CP: variants seen among roughly 807,000 people sequenced by gnomAD.
The protein encoded by CP is ceruloplasmin, also known as caeruloplasmin.
In CP, 64 loss-of-function variants were observed where a neutral mutation model predicts 122.4. The ratio of observed to expected loss-of-function variants is 0.52; its 90% CI spans 0.43 to 0.64. CP has a LOEUF of 0.64. Among genes scored for constraint, CP ranks in the 30% least tolerant of loss-of-function variants. The probability of loss-of-function intolerance (pLI) is 0.00; values close to 1 mark genes in which losing one functional copy is unlikely to be tolerated. For synonymous variants in CP, 440 were observed against 436.4 expected (o/e 1.01, Z -0.10); for missense variants, 1,167 against 1,284.4 (o/e 0.91, Z 1.40).
In CP at chr3:149,179,711, T is replaced by TACACACAC. The variant is rs71304221; in HGVS notation, c.2555-57_2555-50dup. Reference sequence around the variant, plus strand: ...ATCTGGTTGTATTTGGTTTATATTGTACACACACACACACACACACACACA... The same window carrying TACACACAC: ...ATCTGGTTGTATTTGGTTTATATTGTACACACACACACACACACACACACACACACACA... On this transcript the variant is annotated intron_variant, in intron 14 of 18. Coordinates refer to ENST00000264613, the MANE Select transcript of CP (RefSeq NM_000096.4). 4,394 of 608,454 alleles carry TACACACAC rather than the reference T, an allele frequency of 7.2e-3. 15 individuals are homozygous for TACACACAC. Among genetic ancestry groups the TACACACAC allele is most frequent in the East Asian group, 0.034 (829 of 24,514 alleles). 37.7% of individuals were successfully genotyped at this position (608,454 alleles called of 1,614,324 possible).
At chr3:149,169,561 A>G (rs1724773699), downstream of CP, among the ~76,000 whole-genome samples, 1 of 152,178 alleles carries the variant, frequency 6.6e-6, no homozygotes, top group Non-Finnish European at 1.5e-5. Flanking sequence ...TCCCCTGTGC[A>G]TTTTAGGATA....
chr3:149,189,194 G>A (rs1338759638), intron 9 of CP, among the ~76,000 whole-genome samples: 1 of 152,102 alleles, frequency 6.6e-6, no homozygotes, highest in East Asian at 1.9e-4. Context: ...CTGAAAACAA[G>A]ACAAAATTAC....
chr3:149,170,515 A>G (rs1317574563), downstream of CP: 1 of 152,218 alleles, frequency 6.6e-6, no homozygotes, highest in Non-Finnish European at 1.5e-5. Flanking sequence ...CAGTACCACT[A>G]CATTATAAAT....
intron 1 of CP, among the ~76,000 whole-genome samples, chr3:149,218,383 T>A (rs1728597086): frequency 6.6e-6 from 1 of 152,208 alleles, no homozygotes; most frequent in South Asian, 2.1e-4. Context: ...AAGTGACAGA[T>A]AAGGCACTGA....
rs1728026174 is a variant in CP, at chr3:149,210,335, C to T, written c.439G>A (p.Asp147Asn). The change falls in exon 3 of 19, where the codon GAC (aspartate) becomes AAC (asparagine). Residue 147 changes from aspartate (D) to asparagine (N), a missense_variant. Around this residue, in one of 2 missense-constraint regions of CP, gnomAD observed 642 missense variants for 627.3 expected, o/e 1.02. Coordinates refer to ENST00000264613, the MANE Select transcript of CP (RefSeq NM_000096.4). ...TACTGCTCTCCTGGATATACTTTGTCATCTGCTCTTTGAAAATCTGTGGTG... is the reference window on the plus strand; with the variant it reads ...TACTGCTCTCCTGGATATACTTTGTTATCTGCTCTTTGAAAATCTGTGGTG... Reference protein sequence around the residue: ...DNTTDFQRADDKVYPGEQYTY... With the variant: ...DNTTDFQRADNKVYPGEQYTY... The T allele has an allele frequency of 6.2e-7, 1 of 1,613,940 alleles. No individual in the cohort carries two copies. Among genetic ancestry groups the T allele is most frequent in the African/African-American group, 1.3e-5 (1 of 74,926 alleles).
chr3:149,217,776 C>CT (rs1728560973), intron 1 of CP: 1 of 202,218 alleles, frequency 4.9e-6, no homozygotes, highest in African/African-American at 2.4e-5. Flanking sequence ...AAAAAAGTAA[C>CT]TTTTTTGATA....
chr3:149,202,554 A>T (rs1249322611), intron 6 of CP, among the ~76,000 whole-genome samples: 1 of 151,902 alleles, frequency 6.6e-6, no homozygotes, highest in Admixed American at 6.6e-5. Context: ...CAAATTGTGA[A>T]ATGTTTAAAA....
chr3:149,179,732 A>T, intron 14 of CP, 70 bp from the exon 15 acceptor site: 1 of 865,684 alleles, frequency 1.2e-6, no homozygotes. Context: ...ACACACACAC[A>T]CACACACACA....
At chr3:149,178,281 T>C (rs978870571) in intron 16 of CP, 134 bp downstream of exon 16, 38 of 730,070 alleles carry the variant, frequency 5.2e-5, no homozygotes, top group Non-Finnish European at 8.7e-5. Context: ...TGAACAGGAT[T>C]CTACCTGACA....
chr3:149,171,855 C>A (rs1433827355), downstream of CP, among the ~76,000 whole-genome samples: 1 of 151,998 alleles, frequency 6.6e-6, no homozygotes, highest in Non-Finnish European at 1.5e-5. Flanking sequence ...CAGGTGTGCG[C>A]CACCATGCCC....
chr3:149,162,964 A>G (rs1028050917), intron 5 of CP: 7 of 1,156,242 alleles, frequency 6.1e-6, no homozygotes, highest in Non-Finnish European at 7.7e-6. Flanking sequence ...TTATTATAAA[A>G]TCTAACCTAG....
At chr3:149,206,833 C>T (rs553039166) in intron 5 of CP, among the ~76,000 whole-genome samples, 11 of 152,146 alleles carry the variant, frequency 7.2e-5, no homozygotes, top group African/African-American at 2.2e-4. Context: ...TATATTTGCA[C>T]GTCAAAGTAA....
At chr3:149,216,945 G>A (rs1001652610) in intron 1 of CP, among the ~76,000 whole-genome samples, 2 of 148,668 alleles carry the variant, frequency 1.3e-5, no homozygotes, top group African/African-American at 5.0e-5. Flanking sequence ...CTGTCGCCCA[G>A]GCTATAATGT....
At chr3:149,162,955 T>C in intron 5 of CP, 2 of 1,214,166 alleles carry the variant, frequency 1.6e-6, no homozygotes. Context: ...TTTAATAACT[T>C]ATTATAAAAT....
chr3:149,198,814 C>T (rs1351153348), intron 8 of CP, among the ~76,000 whole-genome samples: 4 of 152,182 alleles, frequency 2.6e-5, no homozygotes, highest in Admixed American at 6.5e-5. Flanking sequence ...ACACATCTTC[C>T]GGGAATGTCC....
At chr3:149,201,875 G>C (rs1333692424) in intron 7 of CP, among the ~76,000 whole-genome samples, 1 of 152,142 alleles carries the variant, frequency 6.6e-6, no homozygotes, top group Non-Finnish European at 1.5e-5. Context: ...GATTACAGGG[G>C]TGAGCTACCA....
chr3:149,220,208 G>C (rs1405080426), intron 1 of CP, among the ~76,000 whole-genome samples: 1 of 151,710 alleles, frequency 6.6e-6, no homozygotes, highest in East Asian at 1.9e-4. Flanking sequence ...ATTTTTTTTT[G>C]AAGCATATTC....
intron 11 of CP, 110 bp downstream of exon 11, chr3:149,186,410 C>A: frequency 9.6e-7 from 1 of 1,038,374 alleles, no homozygotes; most frequent in Non-Finnish European, 1.5e-6. Flanking sequence ...AAGGGCACTT[C>A]AGAGGCTTGG....
At chr3:149,181,973 T>TGCGGGGGGGGGGGGGGGGGG in intron 14 of CP, 32 bp downstream of exon 14, 3 of 1,375,570 alleles carry the variant, frequency 2.2e-6, no homozygotes, top group Non-Finnish European at 3.1e-6. Flanking sequence ...CCTGTTAAAA[T>TGCGGGGGGGGGGGGGGGGGG]GCACCACCCC....
Sources: allele counts gnomAD v4.1 joint callset (sites outside exome capture counted in the v4.1 genomes callset), GRCh38; gene constraint gnomAD v4.1.1; regional missense constraint gnomAD v4.1.1; transcripts MANE v1.5; gene names NCBI Gene and HGNC (gene_info 2026-07-23, HGNC 2026-07-21).